SP140L: variants seen among roughly 807,000 people sequenced by gnomAD.
SP140L encodes the protein nuclear body protein SP140-like protein.
In SP140L, 64 loss-of-function variants were observed where a neutral mutation model predicts 84.3. That is an observed-to-expected ratio of 0.76 (90% CI 0.62 to 0.94). SP140L has a LOEUF of 0.94. SP140L is among the 40% of genes least tolerant of loss of function. The pLI is 0.00. For missense variants in SP140L, 628 were observed against 692.5 expected (o/e 0.91, Z 1.05); for synonymous variants, 242 against 236.9 (o/e 1.02, Z -0.20).
At chr2:230,335,983 T>G (rs998811507) in intron 2 of SP140L, among the ~76,000 whole-genome samples, 1 of 152,180 alleles carries the variant, frequency 6.6e-6, no homozygotes, top group African/African-American at 2.4e-5. Flanking sequence ...CTCAAAAGAA[T>G]AAGCTGAACC....
At chr2:230,365,582 ACT>A (rs1204946057) in intron 5 of SP140L, among the ~76,000 whole-genome samples, 1 of 151,000 alleles carries the variant, frequency 6.6e-6, no homozygotes, top group Non-Finnish European at 1.5e-5. Context: ...TCAAAAACCA[ACT>A]CTGTTTAGTT....
At chr2:230,386,534 T>C (rs951238930) in intron 9 of SP140L, among the ~76,000 whole-genome samples, 3 of 152,286 alleles carry the variant, frequency 2.0e-5, no homozygotes, top group Admixed American at 2.0e-4. Flanking sequence ...TATGTTAGGG[T>C]TTCAGTATTG....
chr2:230,354,197 C>G (rs2060448129), intron 2 of SP140L, among the ~76,000 whole-genome samples: 1 of 152,036 alleles, frequency 6.6e-6, no homozygotes, highest in Non-Finnish European at 1.5e-5. Flanking sequence ...CCTCAAATGT[C>G]TATTGATCTG....
intron 2 of SP140L, among the ~76,000 whole-genome samples, chr2:230,357,428 T>TAAA (rs2060582183): frequency 6.6e-6 from 1 of 152,210 alleles, no homozygotes; most frequent in African/African-American, 2.4e-5. Flanking sequence ...AAGGTTAGAT[T>TAAA]TTTATTTATA....
chr2:230,388,746 T>A, intron 10 of SP140L, 113 bp downstream of exon 10: 1 of 866,260 alleles, frequency 1.2e-6, no homozygotes, highest in Non-Finnish European at 1.6e-6. Context: ...GAAGCTATAC[T>A]AACTATTGAA....
At chr2:230,368,701 A>G (rs933568030) in intron 5 of SP140L, among the ~76,000 whole-genome samples, 4 of 151,970 alleles carry the variant, frequency 2.6e-5, no homozygotes, top group African/African-American at 9.7e-5. Context: ...TCTGAGTTCA[A>G]ATTCTTTCCT....
chr2:230,366,710 CTATTATTAT>C (rs60410770), intron 5 of SP140L, among the ~76,000 whole-genome samples: 34 of 144,588 alleles, frequency 2.4e-4, no homozygotes, highest in South Asian at 6.5e-4. Flanking sequence ...GGATTATTAT[CTATTATTAT>C]TATTATTATT....
At chr2:230,381,392 C>T (rs13384148) in intron 7 of SP140L, among the ~76,000 whole-genome samples, 34,979 of 152,026 alleles carry the variant, frequency 0.23, 4,262 homozygotes, top group Non-Finnish European at 0.28. Context: ...ATCCTTGAAG[C>T]AATACCCTGA....
rs759605202 is a variant in SP140L at position 230,383,582 on chromosome 2, A to C, written c.703+7A>C. The C allele has an allele frequency of 5.6e-6, 9 of 1,598,208 alleles. No homozygotes were observed. The highest frequency in any genetic ancestry group is 5.2e-5 in the Admixed American group (3 of 58,058). ...AAAAACAACCAACAAAATGGTAAGC[A>C]GGCAAAGTGAAGTAGTTACAGCTTT... On this transcript the variant is annotated splice_region_variant and intron_variant, in intron 8 of 18. Transcript: ENST00000415673.
chr2:230,401,347 C>T lies in SP140L; in HGVS notation c.1423-19C>T, dbSNP rs368039579. On this transcript the variant is annotated intron_variant, in intron 16 of 18. Coordinates refer to ENST00000415673, the MANE Select transcript of SP140L (RefSeq NM_138402.6). ...TTCTCTCCAAGCTGCTTTTCATTTACGGCCTCTTTCTTTTGCAGAAATGTG... is the reference window on the plus strand; with the variant it reads ...TTCTCTCCAAGCTGCTTTTCATTTATGGCCTCTTTCTTTTGCAGAAATGTG... 1.8e-5 allele frequency: 28 copies of T among 1,594,948 alleles called. No homozygotes were observed. Among genetic ancestry groups the T allele is most frequent in the Middle Eastern group, 1.7e-4 (1 of 5,998 alleles).
Position 230,359,090 on chromosome 2 carries a change from G to A in SP140L, c.397G>A (p.Glu133Lys), listed in dbSNP as rs773853803. The A allele has an allele frequency of 1.2e-6, 2 of 1,610,388 alleles. No individual in the cohort carries two copies. Among genetic ancestry groups the A allele is most frequent in the Non-Finnish European group, 1.7e-6 (2 of 1,179,180 alleles). Residue 133 changes from glutamate to lysine, a missense_variant, in exon 4 of 19, where the codon GAA becomes AAA. Glu to Lys is a moderately conservative substitution (Grantham distance 56, BLOSUM62 1). This residue lies in a region of SP140L where 525 missense variants were observed against 518.4 expected (regional missense o/e 1.01). Coordinates refer to ENST00000415673, the MANE Select transcript of SP140L (RefSeq NM_138402.6). ...EALFSEVNMQ[E>K]YPDLIHIYKS... ...ACTGTTCAGCGAGGTCAACATGCAG[G>A]AATACCCCGATTTAATTCACATTTA...
chr2:230,330,359 C>T (rs1412936786), intron 2 of SP140L, among the ~76,000 whole-genome samples: 1 of 152,202 alleles, frequency 6.6e-6, no homozygotes, highest in African/African-American at 2.4e-5. Context: ...TGCCCCTGGC[C>T]TGTAAGAGCC....
chr2:230,394,550 G>C (rs1015434362), intron 13 of SP140L, among the ~76,000 whole-genome samples: 2 of 152,212 alleles, frequency 1.3e-5, no homozygotes, highest in African/African-American at 4.8e-5. Context: ...TATTCAGTGA[G>C]TACACTAAAG....
intron 10 of SP140L, 131 bp from the exon 11 acceptor site, chr2:230,389,788 C>T (rs2061727587): frequency 3.3e-6 from 3 of 896,602 alleles, no homozygotes; most frequent in Non-Finnish European, 5.1e-6. Flanking sequence ...GGAAGAAAGA[C>T]TTTGAAACTC....
rs903389977 is a variant in SP140L, at chr2:230,358,906, G to A, written c.271-58G>A. The A allele has an allele frequency of 1.9e-5, 27 of 1,423,412 alleles. No homozygotes were observed. In the African/African-American group the frequency reaches 3.7e-4, roughly 19 times the overall value. 88.2% of individuals were successfully genotyped at this position (1,423,412 alleles called of 1,614,324 possible). ...CAGTAACCATAAAATTTGTTTTTAT[G>A]GCTCTTCTGTAACTTGAAAGTCTGT... On this transcript the variant is annotated intron_variant, in intron 3 of 18. Transcript: ENST00000415673.
At chr2:230,401,928 GTGAT>G (rs1460058953) in intron 18 of SP140L, 121 bp downstream of exon 18, 1 of 884,306 alleles carries the variant, frequency 1.1e-6, no homozygotes, top group Non-Finnish European at 1.8e-6. Context: ...GGTTCTGGAA[GTGAT>G]TGATTGGTTT....
chr2:230,340,178 T>C (rs2059998363), intron 2 of SP140L, among the ~76,000 whole-genome samples: 1 of 151,828 alleles, frequency 6.6e-6, no homozygotes, highest in African/African-American at 2.4e-5. Context: ...GGTACTCCTG[T>C]ATTGAGTGCA....
chr2:230,390,482 G>A (rs750016094), intron 11 of SP140L, among the ~76,000 whole-genome samples: 1 of 152,172 alleles, frequency 6.6e-6, no homozygotes, highest in Non-Finnish European at 1.5e-5. Context: ...GAGTAGAGAA[G>A]GGGACCTTTC....
chr2:230,374,247 C>T (rs2061174030), intron 7 of SP140L, among the ~76,000 whole-genome samples: 1 of 150,152 alleles, frequency 6.7e-6, no homozygotes, highest in African/African-American at 2.5e-5. Flanking sequence ...ACCCGGGAGG[C>T]AGAGGTTGCA....
Sources: gnomAD v4.1 joint callset for allele counts (sites outside exome capture counted in the v4.1 genomes callset) on GRCh38, gnomAD v4.1.1 for gene constraint, gnomAD v4.1.1 regional missense constraint, MANE v1.5 for transcripts, NCBI Gene and HGNC (gene_info 2026-07-23, HGNC 2026-07-21) for gene names.